MECOM: variants seen among roughly 807,000 people sequenced by gnomAD.
MECOM encodes the protein histone-lysine N-methyltransferase MECOM.
MECOM carries 13 observed loss-of-function variants against 116.3 expected under a neutral mutation model. The observed-to-expected ratio is 0.11, with a 90% CI of 0.07 to 0.18. MECOM has a LOEUF of 0.18. MECOM is among the 10% of genes least tolerant of loss of function. The pLI is 1.00. For missense variants in MECOM, 1,299 were observed against 1,509.0 expected (o/e 0.86, Z 2.31); for synonymous variants, 528 against 535.2 (o/e 0.99, Z 0.19).
Position 169,382,866 on chromosome 3 carries a change from AAAAAAAAT to A in MECOM, c.38-1350_38-1343del, listed in dbSNP as rs1560205074. 6.5e-3 allele frequency among the ~76,000 whole-genome samples: 310 copies of A among 47,424 alleles called. 20 individuals are homozygous for A. In the East Asian group the frequency reaches 0.097, roughly 15 times the overall value. 31.1% of individuals were successfully genotyped at this position (47,424 alleles called of 152,430 possible). On this transcript the variant is annotated intron_variant, in intron 1 of 16. Transcript: ENST00000651503. ...GCCCATCTCAAAAAAAAAAAAAAATAAAAAAAATAAAAAAAGAAGGTAAAATGGGTTGC... is the reference window on the plus strand; with the variant it reads ...GCCCATCTCAAAAAAAAAAAAAAATAAAAAAAAGAAGGTAAAATGGGTTGC...
intron 1 of MECOM, among the ~76,000 whole-genome samples, chr3:169,619,532 G>A (rs1278699207): frequency 6.6e-6 from 1 of 152,028 alleles, no homozygotes; most frequent in African/African-American, 2.4e-5. Context: ...GGAGAAGATT[G>A]GGCCCCAGGT....
In MECOM at chr3:169,462,928, A is replaced by G. The variant is rs57640071; in HGVS notation, c.38-81404T>C. 7.0e-3 allele frequency among the ~76,000 whole-genome samples: 1,059 copies of G among 152,298 alleles called. 10 individuals are homozygous for G. The highest frequency in any genetic ancestry group is 0.024 in the African/African-American group (1,009 of 41,574). The stretch of plus-strand genomic sequence containing the variant: ...TTTAAAGAACAACCTCATGTAAGAA[A>G]CATAAAGGCTAATTTTTATTTACCA... On this transcript the variant is annotated intron_variant, in intron 1 of 16. Transcript: ENST00000651503.
At position 169,256,910 on chromosome 3, in the gene MECOM, G is replaced by A. The variant is rs148994356; in HGVS notation, c.376-113078C>T. The stretch of plus-strand genomic sequence containing the variant: ...GGCATAGAGCCATCTCCTAACTTCC[G>A]AGAGGGCAAGATGCTGATTCTTCTG... On this transcript the variant is annotated intron_variant, in intron 2 of 16. Coordinates refer to ENST00000651503, the MANE Select transcript of MECOM (RefSeq NM_004991.4). Among the ~76,000 whole-genome samples the A allele has an allele frequency of 7.2e-4, 109 of 152,244 alleles. 1 individual carries two copies. Among genetic ancestry groups the A allele is most frequent in the Middle Eastern group, 3.4e-3 (1 of 294 alleles).
At chr3:169,300,350 T>A (rs950457813) in intron 2 of MECOM, among the ~76,000 whole-genome samples, 1 of 152,234 alleles carries the variant, frequency 6.6e-6, no homozygotes, top group Non-Finnish European at 1.5e-5. Context: ...CCTTAGAATC[T>A]TAGATGATAG....
intron 1 of MECOM, among the ~76,000 whole-genome samples, chr3:169,433,690 A>AAAGAAAGAAAGAAAGAAAGG (rs35878346): frequency 1.1e-5 from 1 of 90,404 alleles, no homozygotes. Context: ...AGAAAGAAAG[A>AAAGAAAGAAAGAAAGAAAGG]GAAAGAAAGA....
intron 2 of MECOM, among the ~76,000 whole-genome samples, chr3:169,330,122 C>T (rs577189610): frequency 1.3e-5 from 2 of 152,068 alleles, no homozygotes; most frequent in Non-Finnish European, 2.9e-5. Context: ...ACCTCCCAGG[C>T]TTAAGTGATC....
chr3:169,377,720 G>A (rs1016024417), intron 2 of MECOM, among the ~76,000 whole-genome samples: 1 of 152,168 alleles, frequency 6.6e-6, no homozygotes, highest in African/African-American at 2.4e-5. Flanking sequence ...TTACACTGTT[G>A]GTGGGAGTAT....
chr3:169,404,353 C>T (rs941377818), intron 1 of MECOM, among the ~76,000 whole-genome samples: 1 of 151,930 alleles, frequency 6.6e-6, no homozygotes, highest in African/African-American at 2.4e-5. Flanking sequence ...ATCTTTCCCA[C>T]AATGGAAATG....
intron 2 of MECOM, among the ~76,000 whole-genome samples, chr3:169,375,946 T>C (rs146124651): frequency 6.6e-6 from 1 of 151,998 alleles, no homozygotes; most frequent in African/African-American, 2.4e-5. Flanking sequence ...TACCGGCAAA[T>C]TGAATCCAGC....
intron 2 of MECOM, among the ~76,000 whole-genome samples, chr3:169,321,652 C>T (rs1468252776): frequency 6.6e-6 from 1 of 152,022 alleles, no homozygotes; most frequent in Non-Finnish European, 1.5e-5. Context: ...AGTGACTCTT[C>T]AGGGAGATGG....
At chr3:169,439,189 C>T (rs1195138677) in intron 1 of MECOM, among the ~76,000 whole-genome samples, 3 of 145,968 alleles carry the variant, frequency 2.1e-5, no homozygotes, top group Non-Finnish European at 4.5e-5. Flanking sequence ...TATTAGTATC[C>T]AGAATACTTC....
intron 2 of MECOM, among the ~76,000 whole-genome samples, chr3:169,263,076 G>A (rs1757746106): frequency 3.2e-5 from 1 of 31,728 alleles, no homozygotes; most frequent in Non-Finnish European, 6.7e-5. Flanking sequence ...TTTTCAAGAT[G>A]CTATATATAT....
At position 169,243,812 on chromosome 3, in the gene MECOM, G is replaced by A. The variant is rs532387010; in HGVS notation, c.376-99980C>T. Among the ~76,000 whole-genome samples the A allele has an allele frequency of 1.2e-4, 19 of 152,326 alleles. No individual in the cohort carries two copies. The South Asian group carries it at 3.9e-3, about 32-fold the overall frequency. On this transcript the variant is annotated intron_variant, in intron 2 of 16. Coordinates refer to ENST00000651503, the MANE Select transcript of MECOM (RefSeq NM_004991.4). ...TACTCCGGAGTTTACTTAAACTCAT[G>A]AGGGTAAAAACCTAAATGCAAAATT... is the stretch of plus-strand genomic sequence containing the variant.
intron 2 of MECOM, chr3:169,146,242 C>A: frequency 8.5e-7 from 1 of 1,180,250 alleles, no homozygotes; most frequent in African/African-American, 1.5e-5. Context: ...GCCAAAGGGT[C>A]CGAATGTGAC....
chr3:169,213,247 T>C (rs965148400), intron 2 of MECOM, among the ~76,000 whole-genome samples: 2 of 152,116 alleles, frequency 1.3e-5, no homozygotes, highest in East Asian at 3.9e-4. Context: ...AAATATCTTT[T>C]GAATTAACGA....
At chr3:169,374,009 A>AT (rs1730597201) in intron 2 of MECOM, among the ~76,000 whole-genome samples, 6 of 151,914 alleles carry the variant, frequency 3.9e-5, no homozygotes, top group Admixed American at 3.3e-4. Flanking sequence ...CATTAGGGCT[A>AT]TTTTTGGAAA....
intron 1 of MECOM, among the ~76,000 whole-genome samples, chr3:169,523,021 T>A (rs1757535844): frequency 6.6e-6 from 1 of 152,198 alleles, no homozygotes; most frequent in South Asian, 2.1e-4. Context: ...TGACATCATG[T>A]TATAGATGAT....
intron 2 of MECOM, among the ~76,000 whole-genome samples, chr3:169,202,852 T>TTAAGTCCAACTTTC (rs1491545330): frequency 6.8e-6 from 1 of 147,096 alleles, no homozygotes; most frequent in Admixed American, 6.8e-5. Context: ...GAGTTAACAA[T>TTAAGTCCAACTTTC]TAAGTCCAAC....
chr3:169,586,832 G>A (rs1225270912), intron 1 of MECOM, among the ~76,000 whole-genome samples: 1 of 152,206 alleles, frequency 6.6e-6, no homozygotes, highest in Non-Finnish European at 1.5e-5. Context: ...TAACCATCTG[G>A]TAATGTTCTC....
Sources: allele counts gnomAD v4.1 joint callset (sites outside exome capture counted in the v4.1 genomes callset), GRCh38; gene constraint gnomAD v4.1.1; transcripts MANE v1.5; gene names NCBI Gene and HGNC (gene_info 2026-07-23, HGNC 2026-07-21).